The following DIS3L2 variants were observed in gnomAD, a reference collection of about 807,000 sequenced individuals.
DIS3L2 encodes DIS3-like exonuclease 2.
DIS3L2 carries 34 observed loss-of-function variants against 97.5 expected under a neutral mutation model. That is an observed-to-expected ratio of 0.35 (90% CI 0.27 to 0.46). The LOEUF (loss-of-function observed/expected upper bound fraction) is 0.46, where lower values mean the gene tolerates loss of function less well. Among genes scored for constraint, DIS3L2 ranks in the 20% least tolerant of loss-of-function variants. The pLI is 1.00. For missense variants in DIS3L2, 1,038 were observed against 1,146.0 expected, an observed-to-expected ratio of 0.91 and a Z score of 1.36; for synonymous variants, 435 against 445.2, an observed-to-expected ratio of 0.98 and a Z score of 0.29.
At chr2:232,333,262 C>T (rs1575026647) in intron 16 of DIS3L2, among the ~76,000 whole-genome samples, 1 of 134,290 alleles carries the variant, frequency 7.4e-6, no homozygotes, top group Admixed American at 7.6e-5. Context: ...CCTCCGCTGT[C>T]GCCTCCTCCT....
At chr2:232,256,068 G>A (rs1360342725) in intron 12 of DIS3L2, among the ~76,000 whole-genome samples, 5 of 152,198 alleles carry the variant, frequency 3.3e-5, no homozygotes, top group African/African-American at 4.8e-5. Context: ...GCATACAGCT[G>A]TCAGAGTGAT....
At chr2:232,008,129 C>T (rs1018796009) in intron 1 of DIS3L2, among the ~76,000 whole-genome samples, 3 of 151,944 alleles carry the variant, frequency 2.0e-5, no homozygotes, top group African/African-American at 4.8e-5. Context: ...CTTCCCACCT[C>T]AGCCACCAGA....
chr2:232,061,142 T>C (rs1322713743), intron 5 of DIS3L2, among the ~76,000 whole-genome samples: 1 of 152,218 alleles, frequency 6.6e-6, no homozygotes, highest in East Asian at 1.9e-4. Context: ...CCTTTGTTTC[T>C]TTCTCTTGTC....
At chr2:232,010,791 C>T (rs542665722) in intron 1 of DIS3L2, among the ~76,000 whole-genome samples, 13 of 152,202 alleles carry the variant, frequency 8.5e-5, no homozygotes, top group African/African-American at 1.2e-4. Flanking sequence ...TAGAACTTTG[C>T]GTTTTCAAAT....
At chr2:232,253,243 G>A (rs1338194296) in intron 12 of DIS3L2, among the ~76,000 whole-genome samples, 3 of 152,218 alleles carry the variant, frequency 2.0e-5, no homozygotes, top group African/African-American at 2.4e-5. Context: ...GTATTGGAGT[G>A]CAATAGCCAC....
At chr2:232,335,655 C>T (rs1695918845) in intron 19 of DIS3L2, 118 bp from the exon 20 acceptor site, 4 of 1,171,020 alleles carry the variant, frequency 3.4e-6, no homozygotes, top group Admixed American at 2.3e-5. Context: ...TCCAGCCAGG[C>T]AAGGGTGGGC....
intron 13 of DIS3L2, among the ~76,000 whole-genome samples, chr2:232,342,772 T>C (rs1696140289): frequency 6.6e-6 from 1 of 152,174 alleles, no homozygotes; most frequent in African/African-American, 2.4e-5. Flanking sequence ...TCTAGGCTCA[T>C]GTGTGAGCCC....
chr2:232,187,677 G>A (rs557654813), intron 9 of DIS3L2, among the ~76,000 whole-genome samples: 2 of 152,038 alleles, frequency 1.3e-5, no homozygotes, highest in South Asian at 4.2e-4. Flanking sequence ...TCTTGACCTC[G>A]TGATCTGCCC....
At chr2:232,213,834 A>C (rs986665405) in intron 10 of DIS3L2, among the ~76,000 whole-genome samples, 3 of 152,116 alleles carry the variant, frequency 2.0e-5, no homozygotes, top group African/African-American at 7.2e-5. Context: ...AGTGTCTGTC[A>C]GGTGAGACAC....
chr2:231,988,677 G>A (rs973380827), intron 1 of DIS3L2, among the ~76,000 whole-genome samples: 1 of 152,100 alleles, frequency 6.6e-6, no homozygotes, highest in African/African-American at 2.4e-5. Context: ...AGGCCTTACC[G>A]TGCTTAGGGC....
intron 6 of DIS3L2, among the ~76,000 whole-genome samples, chr2:232,121,329 CT>C (rs1697898663): frequency 6.6e-6 from 1 of 152,164 alleles, no homozygotes; most frequent in Non-Finnish European, 1.5e-5. Context: ...CCTCAGTTTC[CT>C]TTGCAAACTT....
At chr2:232,338,467 A>G (rs1696034191), downstream of DIS3L2, among the ~76,000 whole-genome samples, 1 of 152,090 alleles carries the variant, frequency 6.6e-6, no homozygotes, top group African/African-American at 2.4e-5. Context: ...GCCCCAGAGC[A>G]TGGCGGGTCC....
chr2:232,282,318 C>T (rs1044857518), intron 13 of DIS3L2, among the ~76,000 whole-genome samples: 2 of 152,138 alleles, frequency 1.3e-5, no homozygotes, highest in African/African-American at 4.8e-5. Context: ...GGTGACCCCA[C>T]CATCAGGAGG....
At chr2:232,043,731 C>T (rs938143280) in intron 5 of DIS3L2, among the ~76,000 whole-genome samples, 3 of 152,098 alleles carry the variant, frequency 2.0e-5, no homozygotes, top group Non-Finnish European at 4.4e-5. Context: ...TGTAGTAGTA[C>T]AGTTTTTGTA....
At chr2:232,303,184 G>T (rs895903310) in intron 14 of DIS3L2, among the ~76,000 whole-genome samples, 7 of 152,144 alleles carry the variant, frequency 4.6e-5, no homozygotes, top group Admixed American at 1.3e-4. Context: ...TGTGTACGAC[G>T]CTCTGTCAAA....
intron 6 of DIS3L2, among the ~76,000 whole-genome samples, chr2:232,123,959 T>C (rs1162710714): frequency 6.6e-6 from 1 of 152,208 alleles, no homozygotes; most frequent in Non-Finnish European, 1.5e-5. Flanking sequence ...TGCCTCTGGA[T>C]ATCTGGCAAA....
intron 12 of DIS3L2, among the ~76,000 whole-genome samples, chr2:232,259,487 G>A (rs529819286): frequency 6.6e-6 from 1 of 152,244 alleles, no homozygotes; most frequent in African/African-American, 2.4e-5. Flanking sequence ...GAGCTACAGA[G>A]ATGTGCTTAG....
At chr2:232,342,342 G>A (rs185453950) in intron 13 of DIS3L2, among the ~76,000 whole-genome samples, 1 of 150,036 alleles carries the variant, frequency 6.7e-6, no homozygotes, top group Non-Finnish European at 1.5e-5. Flanking sequence ...CAGACATGAA[G>A]AAGTATCTTA....
At chr2:232,145,138 T>C (rs1443281475) in intron 8 of DIS3L2, among the ~76,000 whole-genome samples, 2 of 152,252 alleles carry the variant, frequency 1.3e-5, no homozygotes, top group African/African-American at 2.4e-5. Flanking sequence ...TTTTACCCAT[T>C]TTTAATTGGG....
Sources: allele counts gnomAD v4.1 joint callset (sites outside exome capture counted in the v4.1 genomes callset), GRCh38; gene constraint gnomAD v4.1.1; transcripts MANE v1.5; gene names NCBI Gene and HGNC (gene_info 2026-07-23, HGNC 2026-07-21).